The following MINDY3 variants were observed in gnomAD, a reference collection of about 807,000 sequenced individuals.
MINDY3 encodes ubiquitin carboxyl-terminal hydrolase MINDY-3.
In MINDY3, 38 loss-of-function variants were observed where a neutral mutation model predicts 69.2. That is an observed-to-expected ratio of 0.55 (90% CI 0.42 to 0.72). The LOEUF (loss-of-function observed/expected upper bound fraction) is 0.72. MINDY3 is among the 30% of genes least tolerant of loss of function. MINDY3 has a pLI of 0.00. For missense variants in MINDY3, 522 were observed against 519.0 expected (o/e 1.01, Z -0.06); for synonymous variants, 192 against 180.1 (o/e 1.07, Z -0.53).
rs1025455309 is a variant in MINDY3, at chr10:15,837,965, AT to A, written c.461+262del. The A allele has an allele frequency of 2.5e-5, 24 of 961,046 alleles. No individual in the cohort carries two copies. The South Asian group carries it at 7.7e-4, about 31-fold the overall frequency. 59.5% of individuals were successfully genotyped at this position (961,046 alleles called of 1,614,324 possible). On this transcript the variant is annotated intron_variant, in intron 5 of 14. Transcript: ENST00000277632. ...GTCACAGAAACATTAAGCTAAAATG[AT>A]TTTTTTTCATTGTAATGATGAAAAA... is the stretch of plus-strand genomic sequence containing the variant.
chr10:15,779,063 G>T lies in MINDY3; in HGVS notation c.1267C>A (p.Arg423Ser). Residue 423 changes from arginine to serine, a missense_variant, in exon 15 of 15, where the codon CGC becomes AGC. Coordinates refer to ENST00000277632, the MANE Select transcript of MINDY3 (RefSeq NM_024948.4). ...MLQTDDTPIKRCLQTKWPYIE... is the reference protein window; with the variant it reads ...MLQTDDTPIKSCLQTKWPYIE... Reference sequence around the variant, plus strand: ...TATGGCCATTTGGTTTGCAGACAGCGTTTAATAGGAGTGTCATCTGTCTGT... The same window carrying T: ...TATGGCCATTTGGTTTGCAGACAGCTTTTAATAGGAGTGTCATCTGTCTGT... 1 of 1,613,520 alleles carries T rather than the reference G, an allele frequency of 6.2e-7. No homozygotes were observed.
intron 9 of MINDY3, among the ~76,000 whole-genome samples, chr10:15,818,739 G>A (rs1215112318): frequency 1.3e-5 from 2 of 152,166 alleles, no homozygotes; most frequent in African/African-American, 4.8e-5. Context: ...AGAAACGAAA[G>A]GCTATATACT....
intron 9 of MINDY3, chr10:15,818,125 GA>G (rs2131986123): frequency 6.6e-6 from 1 of 152,308 alleles, no homozygotes; most frequent in Admixed American, 6.5e-5. Context: ...AGGAACCAGA[GA>G]AATACACAGG....
chr10:15,782,500 G>A (rs1171889030), intron 13 of MINDY3, among the ~76,000 whole-genome samples: 1 of 151,970 alleles, frequency 6.6e-6, no homozygotes, highest in African/African-American at 2.4e-5. Context: ...TTATGTGCAT[G>A]TATCACTATA....
At chr10:15,811,824 T>C (rs1839021782) in intron 10 of MINDY3, among the ~76,000 whole-genome samples, 2 of 152,212 alleles carry the variant, frequency 1.3e-5, no homozygotes, top group African/African-American at 2.4e-5. Context: ...GTACAGAACA[T>C]ATAAAACTAG....
chr10:15,814,705 C>T (rs553832111), intron 10 of MINDY3, among the ~76,000 whole-genome samples: 198 of 152,154 alleles, frequency 1.3e-3, no homozygotes, highest in African/African-American at 4.7e-3. Flanking sequence ...CCATGGGACA[C>T]GCAGAAAACA....
At chr10:15,838,573 C>T (rs561117199) in intron 4 of MINDY3, among the ~76,000 whole-genome samples, 79 of 151,628 alleles carry the variant, frequency 5.2e-4, no homozygotes, top group Non-Finnish European at 1.0e-3. Context: ...ATAATCAGTG[C>T]CTCACATATC....
At chr10:15,841,732 A>C in intron 3 of MINDY3, 133 bp from the exon 4 acceptor site, 1 of 528,730 alleles carries the variant, frequency 1.9e-6, no homozygotes, top group Non-Finnish European at 3.3e-6. Context: ...ATCTCTAAAT[A>C]GATTTTAAAT....
At chr10:15,856,928 T>TA (rs1214402589) in intron 1 of MINDY3, among the ~76,000 whole-genome samples, 1 of 152,138 alleles carries the variant, frequency 6.6e-6, no homozygotes, top group Non-Finnish European at 1.5e-5. Context: ...CATTGTCTCT[T>TA]ATCTGATCTT....
At chr10:15,811,662 C>T (rs1839008265) in intron 10 of MINDY3, among the ~76,000 whole-genome samples, 1 of 152,096 alleles carries the variant, frequency 6.6e-6, no homozygotes, top group Admixed American at 6.6e-5. Flanking sequence ...ATTTGTGCTT[C>T]ATCTTACCTA....
intron 11 of MINDY3, among the ~76,000 whole-genome samples, chr10:15,789,935 C>A (rs1240618549): frequency 6.6e-6 from 1 of 152,094 alleles, no homozygotes; most frequent in African/African-American, 2.4e-5. Context: ...ATGCAACAGA[C>A]CATGACACAC....
intron 10 of MINDY3, among the ~76,000 whole-genome samples, chr10:15,799,128 T>A (rs1032588022): frequency 2.0e-5 from 3 of 152,168 alleles, no homozygotes; most frequent in Admixed American, 2.0e-4. Context: ...GGTGACTTTA[T>A]TTGGCCTGAG....
At chr10:15,843,864 A>C (rs12257572) in intron 2 of MINDY3, among the ~76,000 whole-genome samples, 25,290 of 152,100 alleles carry the variant, frequency 0.17, 5,280 homozygotes, top group African/African-American at 0.49. Flanking sequence ...TGAAGTGTCT[A>C]CTTCTCAAAG....
At chr10:15,850,598 A>T (rs1317696281) in intron 1 of MINDY3, among the ~76,000 whole-genome samples, 1 of 152,084 alleles carries the variant, frequency 6.6e-6, no homozygotes, top group Non-Finnish European at 1.5e-5. Context: ...TAGGATTAGG[A>T]AATTCCTGCC....
chr10:15,857,878 A>G, intron 1 of MINDY3: 1 of 856,588 alleles, frequency 1.2e-6, no homozygotes, highest in Non-Finnish European at 1.4e-6. Flanking sequence ...ACATAATTGT[A>G]TAAATATTCA....
In MINDY3 at chr10:15,837,731, G is replaced by A. The variant is rs868246740; in HGVS notation, c.462-413C>T. On this transcript the variant is annotated intron_variant, in intron 5 of 14. Coordinates refer to ENST00000277632, the MANE Select transcript of MINDY3 (RefSeq NM_024948.4). Reference sequence around the variant, plus strand: ...TGCCAAAGATAACTTACACATTTGCGGCTTCTTTTAAAAGAAATTAATGTT... The same window carrying A: ...TGCCAAAGATAACTTACACATTTGCAGCTTCTTTTAAAAGAAATTAATGTT... The A allele has an allele frequency of 4.9e-5, 51 of 1,048,952 alleles. No homozygotes were observed. The East Asian group carries it at 1.0e-3, about 21-fold the overall frequency. 65.0% of individuals were successfully genotyped at this position (1,048,952 alleles called of 1,614,324 possible). A position where few individuals can be genotyped will look rare whatever the true frequency, so the allele number is the denominator to read the frequency against.
At chr10:15,784,575 TCTCTA>T (rs1297991890) in intron 13 of MINDY3, among the ~76,000 whole-genome samples, 1 of 152,040 alleles carries the variant, frequency 6.6e-6, no homozygotes, top group East Asian at 1.9e-4. Context: ...TGAAACCCCA[TCTCTA>T]CTAAGGATAC....
intron 13 of MINDY3, among the ~76,000 whole-genome samples, chr10:15,784,116 T>C (rs911439371): frequency 3.9e-5 from 6 of 152,152 alleles, no homozygotes; most frequent in Admixed American, 3.9e-4. Flanking sequence ...TGTATGACCT[T>C]CAACAATCGT....
intron 1 of MINDY3, among the ~76,000 whole-genome samples, chr10:15,850,507 T>C (rs1834206091): frequency 6.6e-6 from 1 of 152,134 alleles, no homozygotes; most frequent in Non-Finnish European, 1.5e-5. Flanking sequence ...GTCTCTAAAA[T>C]GGCCGCTCGG....
Sources: gnomAD v4.1 joint callset for allele counts (sites outside exome capture counted in the v4.1 genomes callset) on GRCh38, gnomAD v4.1.1 for gene constraint, MANE v1.5 for transcripts, NCBI Gene and HGNC (gene_info 2026-07-23, HGNC 2026-07-21) for gene names.